PADI1: variants seen among roughly 807,000 people sequenced by gnomAD.
PADI1 encodes protein-arginine deiminase type-1.
A neutral mutation model predicts 74.8 loss-of-function variants in PADI1; 65 were observed. The observed-to-expected ratio is 0.87, with a 90% CI of 0.71 to 1.07. PADI1 has a LOEUF of 1.07. Ranked by LOEUF, PADI1 falls within the 50% of genes least tolerant of loss-of-function variation. The pLI is 0.00. For synonymous variants in PADI1, 371 were observed against 336.2 expected (o/e 1.10, Z -1.13); for missense variants, 943 against 854.0 (o/e 1.10, Z -1.30).
chr1:17,236,813 G>T (rs1174378351), intron 11 of PADI1, among the ~76,000 whole-genome samples: 1 of 151,782 alleles, frequency 6.6e-6, no homozygotes, highest in Non-Finnish European at 1.5e-5. Context: ...GAAGGAAGAG[G>T]AAGAAAGAGA....
At chr1:17,232,216 G>T (rs1379229227) in intron 10 of PADI1, among the ~76,000 whole-genome samples, 1 of 152,136 alleles carries the variant, frequency 6.6e-6, no homozygotes, top group Non-Finnish European at 1.5e-5. Context: ...AAAGTGCTGG[G>T]ATTACAGGTG....
chr1:17,240,504 C>A, intron 14 of PADI1, 131 bp from the exon 15 acceptor site: 2 of 979,688 alleles, frequency 2.0e-6, no homozygotes, highest in Non-Finnish European at 3.0e-6. Context: ...GTTTCTATTG[C>A]ACAAAGCTGT....
chr1:17,228,661 G>A lies in PADI1; in HGVS notation c.689G>A (p.Gly230Glu). 6.2e-7 allele frequency: 1 copy of A among 1,614,206 alleles called. No individual in the cohort carries two copies. Among genetic ancestry groups the A allele is most frequent in the Non-Finnish European group, 8.5e-7 (1 of 1,180,034 alleles). The change falls in exon 7 of 16, where the codon GGG (glycine) becomes GAG (glutamate). Residue 230 changes from glycine to glutamate, a missense_variant. Coordinates refer to ENST00000375471, the MANE Select transcript of PADI1 (RefSeq NM_013358.3). ...CTCTCGGACTACAAACAGGTGCTGG[G>A]GCCCCAGTGTCTGTCCTATGAAGTT... ...NSLSDYKQVL[G>E]PQCLSYEVER...
chr1:17,230,064 C>T, intron 8 of PADI1, 21 bp from the exon 9 acceptor site: 2 of 1,608,696 alleles, frequency 1.2e-6, no homozygotes, highest in South Asian at 2.2e-5. Flanking sequence ...TAGCATGCTC[C>T]CCTCTCCCTA....
At chr1:17,214,339 C>G (rs1329287065) in intron 1 of PADI1, among the ~76,000 whole-genome samples, 1 of 152,060 alleles carries the variant, frequency 6.6e-6, no homozygotes, top group African/African-American at 2.4e-5. Context: ...GACCCCCCTG[C>G]CCCCCGCCCC....
intron 12 of PADI1, 89 bp from the exon 13 acceptor site, chr1:17,238,527 T>C (rs544982997): frequency 3.9e-5 from 22 of 561,114 alleles, no homozygotes; most frequent in South Asian, 3.6e-4. Context: ...TCCCAAGAAC[T>C]GTCAGGCCCC....
At position 17,205,265 on chromosome 1, in the gene PADI1, T is replaced by C; in HGVS notation, c.48T>C (p.His16=). The C allele has an allele frequency of 6.2e-7, 1 of 1,613,990 alleles. No individual in the cohort carries two copies. The highest frequency in any genetic ancestry group is 8.5e-7 in the Non-Finnish European group (1 of 1,179,968). The change falls in exon 1 of 16, where the codon CAT becomes CAC. Residue 16 remains histidine, a synonymous_variant. Coordinates refer to ENST00000375471, the MANE Select transcript of PADI1 (RefSeq NM_013358.3). Reference sequence around the variant, plus strand: ...AGCTGTCCCTGAAGATGCCTACCCATGCCGTGTGTGTGGTGGGAGTCGAGG... The same window carrying C: ...AGCTGTCCCTGAAGATGCCTACCCACGCCGTGTGTGTGGTGGGAGTCGAGG... ...VVQLSLKMPT[H]AVCVVGVEAH... is the part of the protein sequence containing the mutation.
In PADI1 at chr1:17,243,902, T is replaced by A. The variant is rs951113034; in HGVS notation, c.1759-108T>A. 18 of 736,970 alleles carry A rather than the reference T, an allele frequency of 2.4e-5. No homozygotes were observed. In the African/African-American group the frequency reaches 3.2e-4, roughly 13 times the overall value. 45.7% of individuals were successfully genotyped at this position (736,970 alleles called of 1,614,324 possible). ...CCTAGAGCCCTTTCTAGGCTGTGGC[T>A]ATGGCCAACCCATTCCCCAGGGCCT... On this transcript the variant is annotated intron_variant, in intron 15 of 15. Coordinates refer to ENST00000375471, the MANE Select transcript of PADI1 (RefSeq NM_013358.3).
In PADI1 at chr1:17,237,453, CA is replaced by C; in HGVS notation, c.1457del (p.Lys486ArgfsTer34). ...EFLTFVPTSD[Q>X]KGFRLLLASP... ...TCTGACCTTTGTGCCTACCTCTGAC[CA>C]AAAGGTGCGTCCCCTCCTTCCCTGC... On this transcript the variant is annotated frameshift_variant, in exon 12 of 16. Coordinates refer to ENST00000375471, the MANE Select transcript of PADI1 (RefSeq NM_013358.3). LOFTEE classifies it high-confidence loss of function. 6.2e-7 allele frequency: 1 copy of C among 1,609,432 alleles called. No individual in the cohort carries two copies. The highest frequency in any genetic ancestry group is 8.5e-7 in the Non-Finnish European group (1 of 1,177,480).
At chr1:17,206,683 C>CTTTTT (rs796276122) in intron 1 of PADI1, among the ~76,000 whole-genome samples, 116 of 109,746 alleles carry the variant, frequency 1.1e-3, no homozygotes, top group Non-Finnish European at 1.5e-3. Flanking sequence ...TTTTCTTTTT[C>CTTTTT]TTTTTTTTTT....
chr1:17,244,344 T>C lies in PADI1; in HGVS notation c.*101T>C, dbSNP rs2072840104. ...TGGCCTCCATTCTCTTGGGGGAGTCTTGGCACTTTGCAAACATCCTGGCCA... is the reference window on the plus strand; with the variant it reads ...TGGCCTCCATTCTCTTGGGGGAGTCCTGGCACTTTGCAAACATCCTGGCCA... On this transcript the variant is annotated 3_prime_UTR_variant, in exon 16 of 16. Transcript: ENST00000375471. 6 of 877,216 alleles carry C rather than the reference T, an allele frequency of 6.8e-6. No homozygotes were observed. The East Asian group carries it at 1.3e-4, about 18-fold the overall frequency. The allele number at this position is 877,216 out of a possible 1,614,324, so 54.3% of individuals were successfully genotyped here. A position where few individuals can be genotyped will look rare whatever the true frequency, so the allele number is the denominator to read the frequency against.
At chr1:17,227,796 C>T (rs1179661898) in intron 6 of PADI1, among the ~76,000 whole-genome samples, 5 of 152,188 alleles carry the variant, frequency 3.3e-5, no homozygotes, top group African/African-American at 9.7e-5. Flanking sequence ...CTTAGTGTGA[C>T]ACCAGGGCGT....
At chr1:17,236,235 A>T (rs897471148) in intron 11 of PADI1, among the ~76,000 whole-genome samples, 1 of 152,226 alleles carries the variant, frequency 6.6e-6, no homozygotes, top group Non-Finnish European at 1.5e-5. Context: ...ACCTCCAATC[A>T]TATGTATGAA....
At chr1:17,211,594 A>T (rs2071835995) in intron 1 of PADI1, among the ~76,000 whole-genome samples, 1 of 152,258 alleles carries the variant, frequency 6.6e-6, no homozygotes, top group African/African-American at 2.4e-5. Context: ...CTGAAGTCAC[A>T]CAGCCCACAA....
chr1:17,237,454 A>G lies in PADI1; in HGVS notation c.1454A>G (p.Gln485Arg). The change falls in exon 12 of 16, where the codon CAA becomes CGA. Residue 485 changes from glutamine (Q) to arginine (R), a missense_variant. Transcript: ENST00000375471. ...EFLTFVPTSD[Q>R]KGFRLLLASP... The stretch of plus-strand genomic sequence containing the variant: ...CTGACCTTTGTGCCTACCTCTGACC[A>G]AAAGGTGCGTCCCCTCCTTCCCTGC... The G allele has an allele frequency of 6.2e-7, 1 of 1,607,850 alleles. No homozygotes were observed. Among genetic ancestry groups the G allele is most frequent in the Non-Finnish European group, 8.5e-7 (1 of 1,176,632 alleles).
chr1:17,209,758 C>G (rs1183547382), intron 1 of PADI1, among the ~76,000 whole-genome samples: 1 of 152,218 alleles, frequency 6.6e-6, no homozygotes, highest in African/African-American at 2.4e-5. Context: ...TTGGGCCAGT[C>G]ACTTAGCATC....
chr1:17,228,824 A>G (rs1456091245), intron 7 of PADI1, 27 bp downstream of exon 7: 3 of 1,603,430 alleles, frequency 1.9e-6, no homozygotes, highest in African/African-American at 2.7e-5. Flanking sequence ...GGGGTGGCCA[A>G]GGAGGCTGAG....
chr1:17,217,812 C>A (rs1569771199), intron 1 of PADI1, among the ~76,000 whole-genome samples: 1 of 152,174 alleles, frequency 6.6e-6, no homozygotes, highest in East Asian at 1.9e-4. Context: ...GGGCTTCATT[C>A]ATCGTTTTAT....
At chr1:17,226,643 G>C (rs146801820) in intron 6 of PADI1, among the ~76,000 whole-genome samples, 1 of 152,170 alleles carries the variant, frequency 6.6e-6, no homozygotes, top group African/African-American at 2.4e-5. Flanking sequence ...TATGGCCAAG[G>C]CTGGGCGCAA....
Sources: gnomAD v4.1 joint callset for allele counts (sites outside exome capture counted in the v4.1 genomes callset) on GRCh38, gnomAD v4.1.1 for gene constraint, MANE v1.5 for transcripts, NCBI Gene and HGNC (gene_info 2026-07-23, HGNC 2026-07-21) for gene names.